TRRAP: variants seen among roughly 807,000 people sequenced by gnomAD.
TRRAP encodes the protein transformation/transcription domain associated protein, also known as transformation/transcription domain-associated protein.
TRRAP carries 41 observed loss-of-function variants against 438.8 expected under a neutral mutation model. The observed-to-expected ratio is 0.09, with a 90% CI of 0.07 to 0.12. The LOEUF is 0.12. TRRAP is among the 10% of genes least tolerant of loss of function. The pLI, the probability that TRRAP is intolerant of heterozygous loss-of-function variation, is 1.00. For missense variants in TRRAP, 3,122 were observed against 5,055.1 expected (o/e 0.62, Z 11.60); for synonymous variants, 1,994 against 1,962.9 (o/e 1.02, Z -0.42).
In TRRAP at chr7:98,893,360, A is replaced by G. The variant is rs188106306; in HGVS notation, c.367-438A>G. ...TTTGTTGCTGTGTCATGTCAGCCAC[A>G]GTGCTTAACCCCTGAGATATCATGC... On this transcript the variant is annotated intron_variant, in intron 5 of 72. Coordinates refer to ENST00000456197, the MANE Select transcript of TRRAP (RefSeq NM_001375524.1). 7.7e-4 allele frequency among the ~76,000 whole-genome samples: 118 copies of G among 152,354 alleles called. 1 individual carries two copies. The Middle Eastern group carries it at 0.01, about 13-fold the overall frequency.
chr7:98,948,155 T>C lies in TRRAP; in HGVS notation c.4549-66T>C. 6.2e-7 allele frequency: 1 copy of C among 1,604,706 alleles called. No individual in the cohort carries two copies. The highest frequency in any genetic ancestry group is 1.3e-5 in the African/African-American group (1 of 75,004). On this transcript the variant is annotated intron_variant, in intron 33 of 72. Transcript: ENST00000456197. The surrounding 1 kb of genome is among the most constrained non-coding windows in gnomAD (Gnocchi z 4.9). ...AGTTAGACTATAGTAGGGTCTGTAGTGACGTTGACCTCTGTCACTTGCAAA... is the reference window on the plus strand; with the variant it reads ...AGTTAGACTATAGTAGGGTCTGTAGCGACGTTGACCTCTGTCACTTGCAAA...
intron 1 of TRRAP, among the ~76,000 whole-genome samples, chr7:98,879,157 G>C (rs1163415724): frequency 3.3e-5 from 5 of 152,196 alleles, no homozygotes; most frequent in African/African-American, 1.2e-4. Flanking sequence ...GGGGGCGGCG[G>C]GGCAGTTTGT....
At chr7:99,010,436 G>A (rs574247234) in intron 70 of TRRAP, among the ~76,000 whole-genome samples, 10 of 152,352 alleles carry the variant, frequency 6.6e-5, no homozygotes, top group African/African-American at 2.4e-4. Flanking sequence ...AGAAGGGCCT[G>A]CTTTCTCACA....
At chr7:98,998,836 G>T in intron 67 of TRRAP, 1 of 286,732 alleles carries the variant, frequency 3.5e-6, no homozygotes, top group Non-Finnish European at 6.8e-6. Flanking sequence ...TCTTGTCTTG[G>T]CCTCATCTGC....
intron 11 of TRRAP, among the ~76,000 whole-genome samples, chr7:98,900,934 C>T (rs1306253231): frequency 2.0e-5 from 3 of 152,124 alleles, no homozygotes; most frequent in Non-Finnish European, 2.9e-5. Flanking sequence ...GCATACACAC[C>T]GATTTATTTG....
chr7:98,911,093 A>G lies in TRRAP; in HGVS notation c.1829A>G (p.Asn610Ser). Residue 610 changes from asparagine to serine, a missense_variant, in exon 17 of 73, where the codon AAT (asparagine) becomes AGT (serine). By Grantham distance (46) the Asn-to-Ser change is conservative. Around this residue, in one of 24 missense-constraint regions of TRRAP, gnomAD observed 149 missense variants for 302.8 expected, o/e 0.49. Coordinates refer to ENST00000456197, the MANE Select transcript of TRRAP (RefSeq NM_001375524.1). Reference protein sequence around the residue: ...LDIYQVQIAGNGQTYIRVANC... With the variant: ...LDIYQVQIAGSGQTYIRVANC... The stretch of plus-strand genomic sequence containing the variant: ...CTGTATTAGGTCCAGATAGCAGGAA[A>G]TGGACAGACATACATCCGTGTGGCC... The G allele has an allele frequency of 5.0e-6, 8 of 1,614,056 alleles. No individual in the cohort carries two copies. The highest frequency in any genetic ancestry group is 4.0e-5 in the African/African-American group (3 of 75,054).
intron 33 of TRRAP, among the ~76,000 whole-genome samples, chr7:98,946,795 C>A (rs1420773555): frequency 6.6e-6 from 1 of 152,234 alleles, no homozygotes; most frequent in African/African-American, 2.4e-5. Context: ...TCCTGCCTCC[C>A]AGTGGTGTTG....
intron 62 of TRRAP, among the ~76,000 whole-genome samples, chr7:98,988,555 C>T (rs1026653982): frequency 6.6e-6 from 1 of 152,078 alleles, no homozygotes; most frequent in African/African-American, 2.4e-5. Context: ...TGTACAGAAC[C>T]GGTCAATCCA....
intron 51 of TRRAP, among the ~76,000 whole-genome samples, chr7:98,968,799 G>A (rs922234054): frequency 3.9e-5 from 6 of 152,242 alleles, no homozygotes; most frequent in African/African-American, 9.6e-5. Context: ...TTCTCTTGGC[G>A]CGTGTGCAGC....
intron 20 of TRRAP, 99 bp downstream of exon 20, chr7:98,917,778 A>G (rs1789576201): frequency 3.5e-6 from 5 of 1,436,964 alleles, no homozygotes; most frequent in Admixed American, 2.4e-5. Context: ...AAGATGGACC[A>G]GTGCAGCTCT....
In TRRAP at chr7:98,956,177, A is replaced by G. The variant is rs782524879; in HGVS notation, c.5969A>G (p.Gln1990Arg). ...VYYPVRHHLV[Q>R]HMVSAMQRLG... ...TACCCGGTACGGCACCACTTGGTGC[A>G]GCACATGGTGAGCGCCATGCAGAGG... The change falls in exon 42 of 73, where the codon CAG (glutamine) becomes CGG (arginine). Residue 1990 changes from glutamine (Q) to arginine (R), a missense_variant. This residue lies in a region of TRRAP where 992 missense variants were observed against 1,281.2 expected (regional missense o/e 0.77). Coordinates refer to ENST00000456197, the MANE Select transcript of TRRAP (RefSeq NM_001375524.1). This position sits in a 1 kb window ranked among gnomAD's most constrained non-coding sequence, Gnocchi z 4.5. 6.2e-6 allele frequency: 10 copies of G among 1,612,618 alleles called. No homozygotes were observed. Among genetic ancestry groups the G allele is most frequent in the Non-Finnish European group, 8.5e-6 (10 of 1,179,972 alleles).
At chr7:98,940,758 C>T (rs1427696012) in intron 30 of TRRAP, among the ~76,000 whole-genome samples, 2 of 152,170 alleles carry the variant, frequency 1.3e-5, no homozygotes, top group Non-Finnish European at 2.9e-5. Context: ...TGCCTTTGCG[C>T]TTAGTGGCAG....
intron 67 of TRRAP, among the ~76,000 whole-genome samples, chr7:99,002,584 G>A (rs1458175511): frequency 2.0e-5 from 3 of 152,154 alleles, no homozygotes; most frequent in African/African-American, 4.8e-5. Context: ...TGTCTCTCGC[G>A]GCTCTGCTGG....
In TRRAP at chr7:98,963,175, C is replaced by T. The variant is rs190362238; in HGVS notation, c.6829+748C>T. On this transcript the variant is annotated intron_variant, in intron 47 of 72. Transcript: ENST00000456197. Reference sequence around the variant, plus strand: ...ATATAGATAGCCCTTGTTAGGCAAACGCTTTTCTGAATTTGCCAACTGAAT... The same window carrying T: ...ATATAGATAGCCCTTGTTAGGCAAATGCTTTTCTGAATTTGCCAACTGAAT... 1.9e-3 allele frequency among the ~76,000 whole-genome samples: 289 copies of T among 152,280 alleles called. 6 individuals are homozygous for T. The highest frequency in any genetic ancestry group is 0.018 in the Admixed American group (282 of 15,302).
intron 33 of TRRAP, among the ~76,000 whole-genome samples, chr7:98,946,638 T>C (rs1380085396): frequency 1.3e-5 from 2 of 150,396 alleles, no homozygotes; most frequent in African/African-American, 4.9e-5. Flanking sequence ...CACACCACAA[T>C]GCACTGACAA....
rs368302519 is a variant in TRRAP at position 98,931,464 on chromosome 7, C to T, written c.3651C>T (p.Cys1217=). Residue 1217 remains cysteine, a synonymous_variant, in exon 26 of 73, where the codon TGC becomes TGT. Coordinates refer to ENST00000456197, the MANE Select transcript of TRRAP (RefSeq NM_001375524.1). Reference sequence around the variant, plus strand: ...CGCTGGAGCAGCTTCTGATGCGGTGCGCAACGCCTTTAAAAGACGAGGAGA... The same window carrying T: ...CGCTGGAGCAGCTTCTGATGCGGTGTGCAACGCCTTTAAAAGACGAGGAGA... ...KTTLEQLLMR[C]ATPLKDEERA... 28 of 1,614,002 alleles carry T rather than the reference C, an allele frequency of 1.7e-5. No individual in the cohort carries two copies. Among genetic ancestry groups the T allele is most frequent in the Non-Finnish European group, 1.9e-5 (22 of 1,179,994 alleles).
Position 98,994,286 on chromosome 7 carries a change from C to T in TRRAP, c.10048-301C>T, listed in dbSNP as rs985671842. Among the ~76,000 whole-genome samples, 6 of 152,234 alleles carry T rather than the reference C, an allele frequency of 3.9e-5. No individual in the cohort carries two copies. The highest frequency in any genetic ancestry group is 1.2e-4 in the African/African-American group (5 of 41,450). ...GGAACAGTACAGCTGCCTGAAAATG[C>T]AGGGGTTTTGTGGCTAATCGCAGAC... On this transcript the variant is annotated intron_variant, in intron 66 of 72. Transcript: ENST00000456197. This position sits in a 1 kb window ranked among gnomAD's most constrained non-coding sequence, Gnocchi z 4.8.
intron 20 of TRRAP, among the ~76,000 whole-genome samples, chr7:98,919,019 T>G (rs74405116): frequency 6.6e-6 from 1 of 151,748 alleles, no homozygotes; most frequent in Non-Finnish European, 1.5e-5. Flanking sequence ...GGTTGATATG[T>G]TAAAGTTAGT....
At position 99,008,578 on chromosome 7, in the gene TRRAP, G is replaced by A. The variant is rs1445916865; in HGVS notation, c.10938+17G>A. The A allele has an allele frequency of 1.9e-6, 3 of 1,611,118 alleles. No individual in the cohort carries two copies. Among genetic ancestry groups the A allele is most frequent in the East Asian group, 2.2e-5 (1 of 44,878 alleles). ...AGCCACCAGGTAGCAGTGGGGCCGG[G>A]CCGGGGGCCGAGCTGCCGCCTGCAG... On this transcript the variant is annotated intron_variant, in intron 70 of 72. Transcript: ENST00000456197.
Sources: allele counts gnomAD v4.1 joint callset (sites outside exome capture counted in the v4.1 genomes callset), GRCh38; gene constraint gnomAD v4.1.1; regional missense constraint gnomAD v4.1.1; non-coding constraint Gnocchi (gnomAD v3.1); transcripts MANE v1.5; gene names NCBI Gene and HGNC (gene_info 2026-07-23, HGNC 2026-07-21).